Variants in CTPS1 observed in about 807,000 individuals in gnomAD.
CTPS1 encodes the protein CTP synthase 1.
A neutral mutation model predicts 80.5 loss-of-function variants in CTPS1; 25 were observed. The ratio of observed to expected loss-of-function variants is 0.31; its 90% CI spans 0.23 to 0.43. The LOEUF (loss-of-function observed/expected upper bound fraction) is 0.43, where lower values mean the gene tolerates loss of function less well. Ranked by LOEUF, CTPS1 falls within the 20% of genes least tolerant of loss-of-function variation. The probability of loss-of-function intolerance (pLI) is 1.00; values close to 1 mark genes in which losing one functional copy is unlikely to be tolerated. For missense variants in CTPS1, 442 were observed against 725.7 expected, an observed-to-expected ratio of 0.61 and a Z score of 4.49; for synonymous variants, 267 against 252.5, an observed-to-expected ratio of 1.06 and a Z score of -0.54.
intron 10 of CTPS1, among the ~76,000 whole-genome samples, chr1:41,001,357 C>T (rs1642899785): frequency 6.6e-6 from 1 of 152,292 alleles, no homozygotes; most frequent in Admixed American, 6.5e-5. Flanking sequence ...TGATGAGGCT[C>T]ATTTAAGGAT....
Position 40,988,701 on chromosome 1 carries a change from A to C in CTPS1, c.546A>C (p.Leu182=). 1 of 1,609,782 alleles carries C rather than the reference A, an allele frequency of 6.2e-7. No homozygotes were observed. The highest frequency in any genetic ancestry group is 1.1e-5 in the South Asian group (1 of 90,924). Residue 182 remains leucine (L), a synonymous_variant, in exon 5 of 19, where the codon CTA becomes CTC. Transcript: ENST00000650070. ...ACTTTTGTAACATCCACGTCAGTCT[A>C]GTTCCCCAGGTAAGTAAGACATTGA... ...RENFCNIHVS[L]VPQPSSTGEQ...
At chr1:40,987,082 A>G (rs999982768) in intron 3 of CTPS1, among the ~76,000 whole-genome samples, 1 of 152,156 alleles carries the variant, frequency 6.6e-6, no homozygotes, top group African/African-American at 2.4e-5. Context: ...GTGTGTGGCC[A>G]AAAGGGTAGA....
chr1:40,982,497 C>T (rs1380690379), intron 1 of CTPS1, among the ~76,000 whole-genome samples: 2 of 151,916 alleles, frequency 1.3e-5, no homozygotes. Context: ...TCAAGCGATT[C>T]TCCTGCCTCA....
intron 12 of CTPS1, among the ~76,000 whole-genome samples, chr1:41,005,303 GCA>G (rs1462295547): frequency 3.9e-5 from 6 of 152,096 alleles, no homozygotes; most frequent in Non-Finnish European, 5.9e-5. Context: ...AGTTAGCTGG[GCA>G]TGGTGGTGTA....
chr1:41,007,372 A>C lies in CTPS1; in HGVS notation c.1297-77A>C, dbSNP rs1643059549. The C allele has an allele frequency of 1.6e-6, 2 of 1,236,664 alleles. No homozygotes were observed. The highest frequency in any genetic ancestry group is 3.0e-5 in the African/African-American group (2 of 67,428). 76.6% of individuals were successfully genotyped at this position (1,236,664 alleles called of 1,614,324 possible). A position where few individuals can be genotyped will look rare whatever the true frequency, so the allele number is the denominator to read the frequency against. On this transcript the variant is annotated intron_variant, in intron 13 of 18. Coordinates refer to ENST00000650070, the MANE Select transcript of CTPS1 (RefSeq NM_001905.4). The surrounding 1 kb of genome is among the most constrained non-coding windows in gnomAD (Gnocchi z 4.4). ...TAGAGCTTACTTACAAGCCTTTGCCACCCACTCAGCGAGGGAGGTTTCTCT... is the reference window on the plus strand; with the variant it reads ...TAGAGCTTACTTACAAGCCTTTGCCCCCCACTCAGCGAGGGAGGTTTCTCT...
At position 41,010,164 on chromosome 1, in the gene CTPS1, C is replaced by T. The variant is rs766232878; in HGVS notation, c.1695C>T (p.Asp565=). Residue 565 remains aspartate, a synonymous_variant, in exon 18 of 19, where the codon GAC becomes GAT. Coordinates refer to ENST00000650070, the MANE Select transcript of CTPS1 (RefSeq NM_001905.4). ...GTAAACCATCTGAATTCTACAGGGA[C>T]ACCTATAGTGACAGGAGTGGAAGCA... The part of the protein sequence containing the change: ...LQKGCRLSPR[D]TYSDRSGSSS... 1 of 1,611,686 alleles carries T rather than the reference C, an allele frequency of 6.2e-7. No homozygotes were observed. Among genetic ancestry groups the T allele is most frequent in the Admixed American group, 1.7e-5 (1 of 59,908 alleles).
chr1:40,983,510 C>T (rs1350328577), intron 2 of CTPS1, 54 bp downstream of exon 2: 9 of 1,463,488 alleles, frequency 6.1e-6, no homozygotes, highest in Non-Finnish European at 8.4e-6. Context: ...CATGTCAGCA[C>T]TTGGGAATTA....
chr1:40,997,770 T>C (rs1642792926), intron 9 of CTPS1, among the ~76,000 whole-genome samples: 1 of 152,166 alleles, frequency 6.6e-6, no homozygotes, highest in African/African-American at 2.4e-5. Context: ...AGTTCTTGGC[T>C]ATGACTATCA....
intron 8 of CTPS1, chr1:40,997,140 G>A: frequency 2.6e-6 from 1 of 390,322 alleles, no homozygotes; most frequent in Non-Finnish European, 4.6e-6. Flanking sequence ...TGTTTTTTGT[G>A]GGGGTTTTTT....
At chr1:40,983,788 A>G (rs1472074725) in intron 2 of CTPS1, among the ~76,000 whole-genome samples, 1 of 152,038 alleles carries the variant, frequency 6.6e-6, no homozygotes, top group African/African-American at 2.4e-5. Context: ...ATGCCTGGCT[A>G]ATTTCTAAAT....
intron 5 of CTPS1, among the ~76,000 whole-genome samples, chr1:40,989,729 A>G (rs1642553178): frequency 6.6e-6 from 1 of 152,234 alleles, no homozygotes; most frequent in South Asian, 2.1e-4. Context: ...ATGACCTGTC[A>G]TTACTATTCT....
chr1:40,982,026 T>C (rs1319239173), intron 1 of CTPS1: 1 of 1,288,454 alleles, frequency 7.8e-7, no homozygotes, highest in Middle Eastern at 2.1e-4. Flanking sequence ...CTAATTGTGT[T>C]TTTCATTTTG....
chr1:40,996,581 T>C (rs1642757980), intron 8 of CTPS1, among the ~76,000 whole-genome samples: 1 of 152,202 alleles, frequency 6.6e-6, no homozygotes, highest in Non-Finnish European at 1.5e-5. Context: ...AAATCTTCAC[T>C]TCGTGTCTTA....
chr1:41,001,578 C>G (rs1642906279), intron 10 of CTPS1: 1 of 158,728 alleles, frequency 6.3e-6, no homozygotes, highest in African/African-American at 2.4e-5. Flanking sequence ...GCATTTTAAG[C>G]CAAGAGGTAA....
At chr1:40,992,059 G>C (rs1350663182) in intron 7 of CTPS1, among the ~76,000 whole-genome samples, 1 of 152,080 alleles carries the variant, frequency 6.6e-6, no homozygotes, top group Non-Finnish European at 1.5e-5. Flanking sequence ...TGTACTTTGT[G>C]CTTCAGCCGG....
At chr1:40,991,282 C>A in intron 6 of CTPS1, 34 bp downstream of exon 6, 1 of 1,477,004 alleles carries the variant, frequency 6.8e-7, no homozygotes, top group Non-Finnish European at 9.2e-7. Context: ...GCAGTGTAAT[C>A]TTTTATGTCT....
intron 2 of CTPS1, among the ~76,000 whole-genome samples, chr1:40,984,358 GAACAA>G (rs1204629994): frequency 6.6e-6 from 1 of 152,204 alleles, no homozygotes. Flanking sequence ...AAGTTGTTTA[GAACAA>G]AAGCAGAGCT....
chr1:40,985,104 A>G lies in CTPS1; in HGVS notation c.337+113A>G, dbSNP rs1156768038. The G allele has an allele frequency of 4.6e-6, 3 of 655,678 alleles. No individual in the cohort carries two copies. The African/African-American group carries it at 5.6e-5, about 12-fold the overall frequency. The allele number at this position is 655,678 out of a possible 1,614,324, so 40.6% of individuals were successfully genotyped here. The stretch of plus-strand genomic sequence containing the variant: ...TTTTGAGTACAGAAGTTTACATTGT[A>G]TGTGATTTCAGCATGAAACTCTCAA... On this transcript the variant is annotated intron_variant, in intron 3 of 18. Coordinates refer to ENST00000650070, the MANE Select transcript of CTPS1 (RefSeq NM_001905.4).
chr1:40,982,665 C>T (rs936437426), intron 1 of CTPS1, among the ~76,000 whole-genome samples: 4 of 152,232 alleles, frequency 2.6e-5, no homozygotes, highest in Non-Finnish European at 5.9e-5. Context: ...GCTGGGATTA[C>T]AGGCATGAGC....
Sources: gnomAD v4.1 joint callset for allele counts (sites outside exome capture counted in the v4.1 genomes callset) on GRCh38, gnomAD v4.1.1 for gene constraint, Gnocchi (gnomAD v3.1) non-coding constraint, MANE v1.5 for transcripts, NCBI Gene and HGNC (gene_info 2026-07-23, HGNC 2026-07-21) for gene names.